STK38: variants seen among roughly 807,000 people sequenced by gnomAD.
STK38 encodes serine/threonine kinase 38.
In STK38, 26 loss-of-function variants were observed where a neutral mutation model predicts 59.0. The ratio of observed to expected loss-of-function variants is 0.44; its 90% CI spans 0.32 to 0.61. STK38 has a LOEUF of 0.61. Among genes scored for constraint, STK38 ranks in the 20% least tolerant of loss-of-function variants. The pLI is 0.04. For synonymous variants in STK38, 175 were observed against 176.6 expected, an observed-to-expected ratio of 0.99 and a Z score of 0.07; for missense variants, 433 against 566.0, an observed-to-expected ratio of 0.76 and a Z score of 2.38.
chr6:36,508,276 T>G (rs181021617), intron 7 of STK38, among the ~76,000 whole-genome samples: 210 of 152,230 alleles, frequency 1.4e-3, no homozygotes, highest in African/African-American at 4.9e-3. Context: ...TTCAGTTTAC[T>G]TGGGACTTCA....
intron 2 of STK38, among the ~76,000 whole-genome samples, chr6:36,529,538 C>T (rs925728259): frequency 4.6e-5 from 7 of 152,264 alleles, no homozygotes; most frequent in South Asian, 4.1e-4. Flanking sequence ...AGGAGAGAGA[C>T]GAAGCCACTT....
Position 36,530,011 on chromosome 6 carries a change from C to T in STK38, c.132-4369G>A, listed in dbSNP as rs185520887. Among the ~76,000 whole-genome samples the T allele has an allele frequency of 5.1e-3, 782 of 152,266 alleles. 3 individuals carry two copies. The highest frequency in any genetic ancestry group is 0.017 in the African/African-American group (723 of 41,558). Reference sequence around the variant, plus strand: ...ATCCCAGCACTTTGGGAGGCTGAGGCTCGCACACCGCCTGAGGCCAGGAGT... The same window carrying T: ...ATCCCAGCACTTTGGGAGGCTGAGGTTCGCACACCGCCTGAGGCCAGGAGT... On this transcript the variant is annotated intron_variant, in intron 2 of 13. Coordinates refer to ENST00000229812, the MANE Select transcript of STK38 (RefSeq NM_007271.4).
At chr6:36,514,663 CTAAAAA>C (rs1777204706) in intron 7 of STK38, among the ~76,000 whole-genome samples, 1 of 151,954 alleles carries the variant, frequency 6.6e-6, no homozygotes, top group African/African-American at 2.4e-5. Flanking sequence ...ATCTGCATGT[CTAAAAA>C]TAAAAATAAA....
At chr6:36,506,819 G>A (rs1776973610) in intron 8 of STK38, among the ~76,000 whole-genome samples, 175 bp from the exon 9 acceptor site, 1 of 151,444 alleles carries the variant, frequency 6.6e-6, no homozygotes, top group African/African-American at 2.4e-5. Flanking sequence ...CCAAATCAGA[G>A]GCTGTAAAGC....
chr6:36,541,973 C>T (rs1387878369), intron 1 of STK38, among the ~76,000 whole-genome samples: 1 of 151,816 alleles, frequency 6.6e-6, no homozygotes, highest in East Asian at 1.9e-4. Context: ...AGATGACAGG[C>T]ACCAGCCACT....
At chr6:36,536,848 T>A (rs555583668) in intron 2 of STK38, among the ~76,000 whole-genome samples, 2 of 148,124 alleles carry the variant, frequency 1.4e-5, no homozygotes, top group Non-Finnish European at 3.0e-5. Flanking sequence ...AATTAGTTAA[T>A]TTTTTTTTTT....
chr6:36,503,134 T>C (rs1776879091), intron 9 of STK38, among the ~76,000 whole-genome samples: 2 of 152,230 alleles, frequency 1.3e-5, no homozygotes. Context: ...TGCAGCGCTG[T>C]AGGGTGTACA....
rs150846301 is a variant in STK38 at position 36,504,713 on chromosome 6, C to T, written c.834+1870G>A. Among the ~76,000 whole-genome samples the T allele has an allele frequency of 3.3e-5, 5 of 151,830 alleles. No homozygotes were observed. In the South Asian group the frequency reaches 6.2e-4, roughly 19 times the overall value. ...ATTAAATGACATTTAACTGCAAATA[C>T]GAAAATTGTGAAATTGCTTTCCTTA... On this transcript the variant is annotated intron_variant, in intron 9 of 13. Coordinates refer to ENST00000229812, the MANE Select transcript of STK38 (RefSeq NM_007271.4).
chr6:36,509,981 G>T (rs1777068358), intron 7 of STK38, among the ~76,000 whole-genome samples: 1 of 152,192 alleles, frequency 6.6e-6, no homozygotes, highest in Non-Finnish European at 1.5e-5. Flanking sequence ...TTGGTCCACA[G>T]GTGGCCACAG....
chr6:36,495,809 G>A lies in STK38; in HGVS notation c.1373C>T (p.Pro458Leu). 6.2e-7 allele frequency: 1 copy of A among 1,614,074 alleles called. No individual in the cohort carries two copies. The highest frequency in any genetic ancestry group is 8.5e-7 in the Non-Finnish European group (1 of 1,179,966). ...CTATTTTGCTGCTTTCATGTAGGAA[G>A]GTATTGCCCCCCTTGCAGTCAGGCC... ...FEGLTARGAI[P>L]SYMKAAK Residue 458 changes from proline (P) to leucine (L), a missense_variant, in exon 14 of 14, where the codon CCT (proline) becomes CTT (leucine). Pro to Leu is a moderately conservative substitution (Grantham distance 98). This residue lies in a region of STK38 where 136 missense variants were observed against 156.7 expected (regional missense o/e 0.87). Coordinates refer to ENST00000229812, the MANE Select transcript of STK38 (RefSeq NM_007271.4).
Position 36,499,958 on chromosome 6 carries a change from A to T in STK38, c.867T>A (p.Ile289=). Residue 289 remains isoleucine (I), a synonymous_variant, in exon 10 of 14, where the codon ATT becomes ATA. Transcript: ENST00000229812. ...AFSTVGTPDY[I]APEVFMQTGY... ...CGGTCTGCATGAACACCTCAGGAGC[A>T]ATGTAGTCAGGAGTGCCTACTGTGG... The T allele has an allele frequency of 6.2e-7, 1 of 1,614,092 alleles. No individual in the cohort carries two copies. Among genetic ancestry groups the T allele is most frequent in the Non-Finnish European group, 8.5e-7 (1 of 1,179,986 alleles).
chr6:36,506,920 C>G (rs1776976749), intron 8 of STK38, among the ~76,000 whole-genome samples: 1 of 152,170 alleles, frequency 6.6e-6, no homozygotes, highest in Non-Finnish European at 1.5e-5. Context: ...ATCAGAATTA[C>G]AGGGAATTCA....
chr6:36,503,928 TG>T (rs975494208), intron 9 of STK38, among the ~76,000 whole-genome samples: 4 of 152,200 alleles, frequency 2.6e-5, no homozygotes, highest in South Asian at 2.1e-4. Context: ...AAACCTTTGT[TG>T]TTTTCCACAC....
Position 36,521,721 on chromosome 6 carries a change from A to G in STK38, c.390+13T>C. 6.3e-7 allele frequency: 1 copy of G among 1,599,468 alleles called. No individual in the cohort carries two copies. The highest frequency in any genetic ancestry group is 1.1e-5 in the South Asian group (1 of 88,230). ...ATTAATAAGCTAAAAGCACTGCTACAACTGTGCTTTACCTGCTCTTTTTCA... is the reference window on the plus strand; with the variant it reads ...ATTAATAAGCTAAAAGCACTGCTACGACTGTGCTTTACCTGCTCTTTTTCA... On this transcript the variant is annotated intron_variant, in intron 5 of 13. Transcript: ENST00000229812.
intron 8 of STK38, 55 bp downstream of exon 8, chr6:36,507,445 C>A: frequency 2.1e-6 from 3 of 1,437,436 alleles, no homozygotes; most frequent in Non-Finnish European, 2.0e-6. Flanking sequence ...ACAAGGGAAA[C>A]AGCTCTTCTA....
intron 5 of STK38, among the ~76,000 whole-genome samples, chr6:36,520,508 C>A (rs1280673537): frequency 9.2e-5 from 14 of 152,156 alleles, no homozygotes; most frequent in Admixed American, 9.2e-4. Flanking sequence ...GGAAACATAC[C>A]TTGCAAAAAC....
At chr6:36,532,032 A>G (rs563148795) in intron 2 of STK38, among the ~76,000 whole-genome samples, 1 of 152,352 alleles carries the variant, frequency 6.6e-6, no homozygotes, top group East Asian at 1.9e-4. Flanking sequence ...TTACTAGCCC[A>G]ATACTTATTA....
intron 5 of STK38, 33 bp downstream of exon 5, chr6:36,521,701 T>C (rs1777379039): frequency 1.3e-6 from 2 of 1,498,912 alleles, no homozygotes; most frequent in Non-Finnish European, 1.8e-6. Flanking sequence ...CAAAAATTAA[T>C]AAGCTAAAAG....
At chr6:36,513,887 G>A (rs1424543051) in intron 7 of STK38, among the ~76,000 whole-genome samples, 1 of 147,904 alleles carries the variant, frequency 6.8e-6, no homozygotes, top group Non-Finnish European at 1.5e-5. Context: ...CAGGCTTGGT[G>A]GCTCACGCCT....
Sources: allele counts gnomAD v4.1 joint callset (sites outside exome capture counted in the v4.1 genomes callset), GRCh38; gene constraint gnomAD v4.1.1; regional missense constraint gnomAD v4.1.1; transcripts MANE v1.5; gene names NCBI Gene and HGNC (gene_info 2026-07-23, HGNC 2026-07-21).